LRRC7: variants seen among roughly 807,000 people sequenced by gnomAD.
The protein encoded by LRRC7 is leucine-rich repeat-containing protein 7.
LRRC7 carries 23 observed loss-of-function variants against 175.7 expected under a neutral mutation model. The ratio of observed to expected loss-of-function variants is 0.13; its 90% confidence interval spans 0.09 to 0.19. LRRC7 has a LOEUF of 0.19. Ranked by LOEUF, LRRC7 falls within the 10% of genes least tolerant of loss-of-function variation. The pLI is 1.00. For synonymous variants in LRRC7, 685 were observed against 680.9 expected (o/e 1.01, Z -0.09); for missense variants, 1,354 against 1,904.7 (o/e 0.71, Z 5.38).
intron 25 of LRRC7, among the ~76,000 whole-genome samples, chr1:70,091,317 T>C (rs760511573): frequency 4.6e-5 from 7 of 152,184 alleles, no homozygotes; most frequent in Non-Finnish European, 1.0e-4. Context: ...AGAAGCATGA[T>C]GACATTTTTT....
intron 23 of LRRC7, among the ~76,000 whole-genome samples, chr1:70,054,674 A>G (rs1427389620): frequency 3.1e-5 from 4 of 127,028 alleles, no homozygotes; most frequent in Admixed American, 1.1e-4. Context: ...TCACTTGCTC[A>G]CTGCAATCTC....
chr1:69,933,586 G>T (rs868025522), intron 8 of LRRC7, among the ~76,000 whole-genome samples: 29 of 152,102 alleles, frequency 1.9e-4, no homozygotes, highest in South Asian at 4.1e-4. Flanking sequence ...TACAGTAAGG[G>T]CATCAGTCTT....
rs576813427 is a variant in LRRC7 at position 69,908,333 on chromosome 1, T to C, written c.648-23174T>C. On this transcript the variant is annotated intron_variant, in intron 7 of 26. Coordinates refer to ENST00000651989, the MANE Select transcript of LRRC7 (RefSeq NM_001370785.2). ...TTGAATGTGTTTGCTCTTGCTTTTC[T>C]AGTTCTTTTAATTGTGATGTTAGGG... Among the ~76,000 whole-genome samples, 6 of 152,236 alleles carry C rather than the reference T, an allele frequency of 3.9e-5. 1 individual carries two copies. The South Asian group carries it at 1.2e-3, about 32-fold the overall frequency.
At chr1:69,779,894 C>G (rs1352009329) in intron 3 of LRRC7, among the ~76,000 whole-genome samples, 1 of 152,142 alleles carries the variant, frequency 6.6e-6, no homozygotes, top group Non-Finnish European at 1.5e-5. Flanking sequence ...TATACCTGTC[C>G]CACCAACCCT....
chr1:69,820,995 C>G (rs1328031637), intron 4 of LRRC7, among the ~76,000 whole-genome samples: 3 of 152,134 alleles, frequency 2.0e-5, no homozygotes, highest in Admixed American at 6.5e-5. Context: ...AAAAGCATTC[C>G]TATTTCTCCA....
chr1:69,605,636 G>A (rs778832260), intron 1 of LRRC7, among the ~76,000 whole-genome samples: 9 of 152,028 alleles, frequency 5.9e-5, no homozygotes, highest in Admixed American at 1.3e-4. Context: ...TGATAGCTTT[G>A]ATTACATGTA....
Position 69,775,064 on chromosome 1 carries a change from C to T in LRRC7, c.303+14671C>T, listed in dbSNP as rs968841880. 2.4e-4 allele frequency among the ~76,000 whole-genome samples: 36 copies of T among 151,982 alleles called. 1 individual carries two copies. The highest frequency in any genetic ancestry group is 7.7e-4 in the African/African-American group (32 of 41,392). On this transcript the variant is annotated intron_variant, in intron 3 of 26. Coordinates refer to ENST00000651989, the MANE Select transcript of LRRC7 (RefSeq NM_001370785.2). ...ATAGAATTGAGCTAGAAGAGAAAAACACAGGGATTAGTTCTTTGGTAGAGC... is the reference window on the plus strand; with the variant it reads ...ATAGAATTGAGCTAGAAGAGAAAAATACAGGGATTAGTTCTTTGGTAGAGC...
At chr1:69,691,797 C>CAAAAAAA (rs57676937) in intron 2 of LRRC7, among the ~76,000 whole-genome samples, 46 of 85,148 alleles carry the variant, frequency 5.4e-4, no homozygotes, top group African/African-American at 6.9e-4. Context: ...GACCCTGTCT[C>CAAAAAAA]AAAAAAAAAA....
At chr1:69,963,038 C>G (rs968540965) in intron 8 of LRRC7, among the ~76,000 whole-genome samples, 15 of 151,904 alleles carry the variant, frequency 9.9e-5, no homozygotes, top group Non-Finnish European at 1.8e-4. Context: ...GGCGCGGTGG[C>G]TCCTGCCTGT....
intron 3 of LRRC7, among the ~76,000 whole-genome samples, chr1:69,778,929 C>T (rs1253308667): frequency 2.1e-5 from 3 of 143,522 alleles, no homozygotes; most frequent in Admixed American, 7.0e-5. Flanking sequence ...CACACACACT[C>T]ATATATATAC....
At chr1:69,662,129 C>T (rs1213550585) in intron 1 of LRRC7, among the ~76,000 whole-genome samples, 2 of 152,016 alleles carry the variant, frequency 1.3e-5, no homozygotes, top group East Asian at 1.9e-4. Context: ...TTAATTTCTT[C>T]GTCTCTAAAA....
intron 2 of LRRC7, among the ~76,000 whole-genome samples, chr1:69,717,853 G>GGAAAGAAAGAAAGAAA (rs144400631): frequency 5.1e-4 from 8 of 15,632 alleles, no homozygotes; most frequent in South Asian, 6.0e-3. Context: ...AAGAAAGAAA[G>GGAAAGAAAGAAAGAAA]GAAAGAAAGA....
rs1041856638 is a variant in LRRC7, at chr1:70,125,359, C to A, written c.*3472C>A. Reference sequence around the variant, plus strand: ...TTCTGGACCTTACCTTGGATCACGACCTTTGAGATGGAAAACAGCTTTGAG... The same window carrying A: ...TTCTGGACCTTACCTTGGATCACGAACTTTGAGATGGAAAACAGCTTTGAG... On this transcript the variant is annotated 3_prime_UTR_variant, in exon 27 of 27. Coordinates refer to ENST00000651989, the MANE Select transcript of LRRC7 (RefSeq NM_001370785.2). 2.2e-4 allele frequency among the ~76,000 whole-genome samples: 33 copies of A among 152,144 alleles called. No individual in the cohort carries two copies. The highest frequency in any genetic ancestry group is 8.8e-5 in the Non-Finnish European group (6 of 68,028).
chr1:70,143,089 T>G lies in LRRC7; in HGVS notation c.*21202T>G, dbSNP rs1047273802. ...TAAATTTTCTTTTTCTCATTTCAGCTCATATAATTCAGTTAGTGAAATATT... is the reference window on the plus strand; with the variant it reads ...TAAATTTTCTTTTTCTCATTTCAGCGCATATAATTCAGTTAGTGAAATATT... On this transcript the variant is annotated 3_prime_UTR_variant, in exon 27 of 27. Coordinates refer to ENST00000651989, the MANE Select transcript of LRRC7 (RefSeq NM_001370785.2). 58 of 152,154 alleles carry G rather than the reference T, an allele frequency of 3.8e-4. No homozygotes were observed. Among genetic ancestry groups the G allele is most frequent in the African/African-American group, 1.4e-3 (57 of 41,542 alleles). The allele number at this position is 152,154 out of a possible 1,614,324, so 9.4% of individuals were successfully genotyped here.
intron 11 of LRRC7, among the ~76,000 whole-genome samples, chr1:69,999,612 G>T (rs1319892133): frequency 6.6e-6 from 1 of 152,062 alleles, no homozygotes. Flanking sequence ...GCATTAGCTG[G>T]GTAGATGGAA....
intron 7 of LRRC7, among the ~76,000 whole-genome samples, chr1:69,916,976 A>C (rs1161864758): frequency 6.6e-6 from 1 of 152,138 alleles, no homozygotes; most frequent in Admixed American, 6.6e-5. Context: ...GGGACTGGCT[A>C]TGAGAAGATT....
chr1:69,731,066 C>G (rs780633896), intron 2 of LRRC7, among the ~76,000 whole-genome samples: 21 of 152,008 alleles, frequency 1.4e-4, no homozygotes, highest in Non-Finnish European at 2.6e-4. Flanking sequence ...CCTTGGGAGG[C>G]TGAGGTGGGC....
chr1:69,959,763 C>T (rs2101840608), intron 8 of LRRC7, among the ~76,000 whole-genome samples: 1 of 152,086 alleles, frequency 6.6e-6, no homozygotes, highest in Middle Eastern at 3.4e-3. Flanking sequence ...CTAACCCAAT[C>T]AGGGATCAGG....
chr1:69,617,791 G>T (rs1462508340), intron 1 of LRRC7, among the ~76,000 whole-genome samples: 2 of 152,112 alleles, frequency 1.3e-5, no homozygotes, highest in Admixed American at 1.3e-4. Context: ...ATCCAAGATT[G>T]CATTTAGCCA....
Sources: allele counts gnomAD v4.1 joint callset (sites outside exome capture counted in the v4.1 genomes callset), GRCh38; gene constraint gnomAD v4.1.1; transcripts MANE v1.5; gene names NCBI Gene and HGNC (gene_info 2026-07-23, HGNC 2026-07-21).